Variants in INO80 observed in about 807,000 individuals in gnomAD.
INO80 encodes INO80 complex ATPase subunit.
INO80 carries 20 observed loss-of-function variants against 203.4 expected under a neutral mutation model. That is an observed-to-expected ratio of 0.10 (90% CI 0.07 to 0.14). INO80 has a LOEUF of 0.14. INO80 is among the 10% of genes least tolerant of loss of function. The pLI is 1.00. For synonymous variants in INO80, 726 were observed against 685.2 expected, an observed-to-expected ratio of 1.06 and a Z score of -0.93; for missense variants, 1,419 against 1,914.4, an observed-to-expected ratio of 0.74 and a Z score of 4.83.
intron 24 of INO80, among the ~76,000 whole-genome samples, chr15:41,042,925 G>A (rs1308004788): frequency 2.6e-5 from 4 of 152,142 alleles, no homozygotes; most frequent in East Asian, 1.9e-4. Flanking sequence ...TCAGCTCCCC[G>A]TGGCCCAATA....
At chr15:41,063,646 C>T (rs575714143) in intron 14 of INO80, among the ~76,000 whole-genome samples, 23 of 151,982 alleles carry the variant, frequency 1.5e-4, no homozygotes, top group African/African-American at 5.1e-4. Context: ...TGGTGGCATG[C>T]GCCTGTAATC....
rs1375882769 is a variant in INO80 at position 40,997,619 on chromosome 15, A to G, written c.3498-18T>C. On this transcript the variant is annotated intron_variant, in intron 28 of 35. Coordinates refer to ENST00000648947, the MANE Select transcript of INO80 (RefSeq NM_017553.3). ...TGTCATTCCTGCAGAAAAGGGAGAG[A>G]TATGTTAAAGGAAAAACTGAAAAGA... 3 of 1,585,314 alleles carry G rather than the reference A, an allele frequency of 1.9e-6. No individual in the cohort carries two copies. The highest frequency in any genetic ancestry group is 3.3e-5 in the Admixed American group (2 of 59,952).
chr15:41,064,874 G>T (rs532979748), intron 14 of INO80, among the ~76,000 whole-genome samples: 1 of 152,088 alleles, frequency 6.6e-6, no homozygotes, highest in Non-Finnish European at 1.5e-5. Context: ...GCAGGCTCCT[G>T]TAGTCCCAGT....
chr15:40,980,386 G>C lies in INO80; in HGVS notation c.4508C>G (p.Ala1503Gly). 2 of 1,613,958 alleles carry C rather than the reference G, an allele frequency of 1.2e-6. No homozygotes were observed. The stretch of plus-strand genomic sequence containing the variant: ...AGAGGCGCTTGAAGGTCCAAAGTCA[G>C]CAAGGCCAGCAGGCCGAACAAGGGA... ...QTSLVRPAGLADFGPSSASSP... is the reference protein window; with the variant it reads ...QTSLVRPAGLGDFGPSSASSP... The change falls in exon 36 of 36, where the codon GCT becomes GGT. Residue 1503 changes from alanine (A) to glycine (G), a missense_variant. Ala to Gly is a moderately conservative substitution (Grantham distance 60, BLOSUM62 0). Coordinates refer to ENST00000648947, the MANE Select transcript of INO80 (RefSeq NM_017553.3).
rs571688935 is a variant in INO80, at chr15:41,105,090, T to C, written c.-43-8737A>G. Among the ~76,000 whole-genome samples, 4 of 152,278 alleles carry C rather than the reference T, an allele frequency of 2.6e-5. No individual in the cohort carries two copies. In the South Asian group the frequency reaches 6.2e-4, roughly 24 times the overall value. On this transcript the variant is annotated intron_variant, in intron 1 of 35. Transcript: ENST00000648947. ...GTTGAACTGTACACTAACTGGATCC[T>C]GCTTTTCAAACTGTAGATATTTAAG...
chr15:41,003,095 G>C (rs950715074), intron 28 of INO80, among the ~76,000 whole-genome samples: 8 of 151,850 alleles, frequency 5.3e-5, no homozygotes, highest in African/African-American at 1.9e-4. Flanking sequence ...ACTCCAGCCT[G>C]GGTGACAGAG....
intron 32 of INO80, among the ~76,000 whole-genome samples, chr15:40,984,756 TG>T (rs1893957685): frequency 6.6e-6 from 1 of 152,218 alleles, no homozygotes; most frequent in Non-Finnish European, 1.5e-5. Flanking sequence ...CACCAGCCGC[TG>T]GCACATCCAG....
intron 26 of INO80, among the ~76,000 whole-genome samples, chr15:41,020,018 G>A (rs538630167): frequency 6.6e-5 from 10 of 152,238 alleles, no homozygotes; most frequent in African/African-American, 2.2e-4. Flanking sequence ...TCAGGAGATC[G>A]AGACCATCCT....
chr15:41,101,228 T>C (rs1466546387), intron 1 of INO80, among the ~76,000 whole-genome samples: 1 of 152,090 alleles, frequency 6.6e-6, no homozygotes, highest in African/African-American at 2.4e-5. Flanking sequence ...ACCACTTTCA[T>C]CTCCTCATTT....
chr15:41,076,558 A>G (rs1393503197), intron 9 of INO80, among the ~76,000 whole-genome samples: 1 of 151,442 alleles, frequency 6.6e-6, no homozygotes, highest in Non-Finnish European at 1.5e-5. Flanking sequence ...ACTGGGCAAC[A>G]TGGCAAAACC....
intron 1 of INO80, among the ~76,000 whole-genome samples, chr15:41,114,950 G>A (rs572635596): frequency 6.6e-6 from 1 of 152,050 alleles, no homozygotes; most frequent in Non-Finnish European, 1.5e-5. Flanking sequence ...AGTGGTTGAT[G>A]GCTACAGAAT....
intron 23 of INO80, among the ~76,000 whole-genome samples, chr15:41,047,139 G>A (rs1344723570): frequency 6.6e-6 from 1 of 151,308 alleles, no homozygotes; most frequent in Non-Finnish European, 1.5e-5. Context: ...GGCTACTTTT[G>A]TATTTTTTAG....
intron 22 of INO80, among the ~76,000 whole-genome samples, chr15:41,047,804 A>G (rs1215364179): frequency 6.6e-6 from 1 of 152,182 alleles, no homozygotes; most frequent in Non-Finnish European, 1.5e-5. Context: ...GAAAAAGAAA[A>G]GGACAGGACA....
rs761002482 is a variant in INO80, at chr15:41,074,425, C to G, written c.1272G>C (p.Gln424His). Residue 424 changes from glutamine (Q) to histidine (H), a missense_variant, in exon 10 of 36, where the codon CAG (glutamine) becomes CAC (histidine). Gln to His is a conservative substitution (Grantham distance 24). Coordinates refer to ENST00000648947, the MANE Select transcript of INO80 (RefSeq NM_017553.3). ...CTCCTCCACCTATATCGATTTGTCT[C>G]TGGGTAGAACTGTCTTCCAGTTTCC... Reference protein sequence around the residue: ...ILRKLEDSSTQRQIDIGGGVV... With the variant: ...ILRKLEDSSTHRQIDIGGGVV... 6.2e-7 allele frequency: 1 copy of G among 1,613,992 alleles called. No individual in the cohort carries two copies. The highest frequency in any genetic ancestry group is 1.7e-5 in the Admixed American group (1 of 59,998).
At chr15:41,064,812 C>T (rs924709853) in intron 14 of INO80, among the ~76,000 whole-genome samples, 5 of 152,068 alleles carry the variant, frequency 3.3e-5, no homozygotes, top group Non-Finnish European at 7.4e-5. Context: ...GCCTGGCCAA[C>T]GTGGGGAAAC....
intron 24 of INO80, among the ~76,000 whole-genome samples, chr15:41,039,569 T>C (rs1025959869): frequency 6.6e-6 from 1 of 152,236 alleles, no homozygotes; most frequent in Non-Finnish European, 1.5e-5. Flanking sequence ...TTCTCCTTGC[T>C]GGACTGGACT....
At chr15:41,046,200 T>C (rs2044758994) in intron 23 of INO80, among the ~76,000 whole-genome samples, 2 of 44,174 alleles carry the variant, frequency 4.5e-5, no homozygotes, top group African/African-American at 2.1e-4. Context: ...TGTGTGCGTA[T>C]ACATACATAT....
At chr15:41,112,660 C>A (rs1405951545) in intron 1 of INO80, among the ~76,000 whole-genome samples, 1 of 151,494 alleles carries the variant, frequency 6.6e-6, no homozygotes, top group South Asian at 2.1e-4. Context: ...TGGTGGCATG[C>A]GCCTGTAGTC....
chr15:40,988,866 T>C (rs1370550468), intron 29 of INO80, among the ~76,000 whole-genome samples: 3 of 152,036 alleles, frequency 2.0e-5, no homozygotes, highest in African/African-American at 7.2e-5. Flanking sequence ...AATACAAAAA[T>C]TAGCTGGGCG....
Sources: allele counts gnomAD v4.1 joint callset (sites outside exome capture counted in the v4.1 genomes callset), GRCh38; gene constraint gnomAD v4.1.1; transcripts MANE v1.5; gene names NCBI Gene and HGNC (gene_info 2026-07-23, HGNC 2026-07-21).